The following UTRN variants were observed in gnomAD, a reference collection of about 807,000 sequenced individuals.
UTRN encodes dystrophin-related protein 1.
In UTRN, 283 loss-of-function variants were observed where a neutral mutation model predicts 463.9. The observed-to-expected ratio is 0.61, with a 90% CI of 0.55 to 0.67. The LOEUF (loss-of-function observed/expected upper bound fraction) is 0.67, where lower values mean the gene tolerates loss of function less well. Among genes scored for constraint, UTRN ranks in the 30% least tolerant of loss-of-function variants. UTRN has a pLI of 0.00. For synonymous variants in UTRN, 1,442 were observed against 1,431.5 expected (o/e 1.01, Z -0.17); for missense variants, 3,922 against 4,084.3 (o/e 0.96, Z 1.08).
At chr6:144,435,386 A>G (rs1226558989) in intron 9 of UTRN, among the ~76,000 whole-genome samples, 1 of 152,230 alleles carries the variant, frequency 6.6e-6, no homozygotes, top group Non-Finnish European at 1.5e-5. Context: ...CCAGAGGGCA[A>G]CTGCCTAAGA....
At chr6:144,413,845 C>G (rs1440554151) in intron 3 of UTRN, among the ~76,000 whole-genome samples, 1 of 151,654 alleles carries the variant, frequency 6.6e-6, no homozygotes, top group Non-Finnish European at 1.5e-5. Flanking sequence ...GCTCTGTTGC[C>G]CAGGCTGAAG....
intron 12 of UTRN, among the ~76,000 whole-genome samples, chr6:144,439,191 T>A (rs1786883762): frequency 6.6e-6 from 1 of 152,216 alleles, no homozygotes; most frequent in Non-Finnish European, 1.5e-5. Flanking sequence ...CCCAAGCATG[T>A]TGGCGTTCAC....
intron 60 of UTRN, among the ~76,000 whole-genome samples, chr6:144,775,489 C>T (rs114493067): frequency 0.022 from 3,414 of 152,230 alleles, 129 homozygotes; most frequent in African/African-American, 0.078. Flanking sequence ...GCAAGTGTTG[C>T]AGAATTACCC....
chr6:144,352,009 T>C (rs992311396), intron 2 of UTRN, among the ~76,000 whole-genome samples: 2 of 152,236 alleles, frequency 1.3e-5, no homozygotes, highest in Admixed American at 1.3e-4. Context: ...GCTTCTGCCC[T>C]GGCCTATTTT....
At chr6:144,327,655 G>C (rs1776055472) in intron 2 of UTRN, among the ~76,000 whole-genome samples, 1 of 152,062 alleles carries the variant, frequency 6.6e-6, no homozygotes, top group Non-Finnish European at 1.5e-5. Context: ...CAGAAGTAAG[G>C]GGACTGGGCT....
At chr6:144,468,870 A>T (rs1043913453) in intron 23 of UTRN, among the ~76,000 whole-genome samples, 27 of 152,198 alleles carry the variant, frequency 1.8e-4, no homozygotes, top group African/African-American at 6.5e-4. Context: ...TATTTTGCTC[A>T]GGGAAAGGGG....
intron 2 of UTRN, among the ~76,000 whole-genome samples, chr6:144,323,419 A>G (rs1202057252): frequency 6.6e-6 from 1 of 152,160 alleles, no homozygotes; most frequent in East Asian, 1.9e-4. Context: ...CCTCCCTCCA[A>G]TTAATGATGG....
At chr6:144,769,056 C>T (rs1226001857) in intron 58 of UTRN, among the ~76,000 whole-genome samples, 1 of 149,466 alleles carries the variant, frequency 6.7e-6, no homozygotes, top group Non-Finnish European at 1.5e-5. Context: ...TATTTTAGAG[C>T]TTATCAAGCT....
intron 25 of UTRN, among the ~76,000 whole-genome samples, chr6:144,478,086 A>G (rs938457434): frequency 2.6e-5 from 4 of 152,242 alleles, no homozygotes; most frequent in Non-Finnish European, 5.9e-5. Context: ...ACAAATGTTG[A>G]AGTAGTTTTG....
chr6:144,743,954 A>G (rs1464030926), intron 54 of UTRN, among the ~76,000 whole-genome samples: 2 of 150,552 alleles, frequency 1.3e-5, no homozygotes, highest in Non-Finnish European at 3.0e-5. Flanking sequence ...AATATTCATA[A>G]TACATGATAC....
chr6:144,419,880 G>C (rs1784677635), intron 3 of UTRN, among the ~76,000 whole-genome samples: 1 of 151,936 alleles, frequency 6.6e-6, no homozygotes, highest in South Asian at 2.1e-4. Context: ...CCACTGAATG[G>C]TAAGCTGTTG....
chr6:144,554,103 C>A (rs1353650439), intron 48 of UTRN, among the ~76,000 whole-genome samples: 1 of 152,100 alleles, frequency 6.6e-6, no homozygotes, highest in South Asian at 2.1e-4. Flanking sequence ...TGATGAAGAG[C>A]TGCTGGGTGC....
At chr6:144,345,088 G>T (rs78074210) in intron 2 of UTRN, among the ~76,000 whole-genome samples, 9,921 of 152,218 alleles carry the variant, frequency 0.065, 1,086 homozygotes, top group African/African-American at 0.22. Flanking sequence ...TTTGAGACTG[G>T]TTGGTTTTCT....
chr6:144,459,349 A>G lies in UTRN; in HGVS notation c.2702A>G (p.Glu901Gly). Reference protein sequence around the residue: ...EAVEDRQQHLENELKGQPGHA... With the variant: ...EAVEDRQQHLGNELKGQPGHA... ...GTAGAGGATCGTCAACAACATCTAG[A>G]GAATGGTAAACCCAACAATTTTAAA... is the stretch of plus-strand genomic sequence containing the variant. Residue 901 changes from glutamate to glycine, a missense_variant, in exon 21 of 75, where the codon GAG (glutamate) becomes GGG (glycine). Coordinates refer to ENST00000367545, the MANE Select transcript of UTRN (RefSeq NM_007124.3). 6.3e-7 allele frequency: 1 copy of G among 1,590,814 alleles called. No individual in the cohort carries two copies. The highest frequency in any genetic ancestry group is 1.1e-5 in the South Asian group (1 of 87,844).
At chr6:144,428,729 T>C in intron 7 of UTRN, 49 bp from the exon 8 acceptor site, 1 of 1,066,896 alleles carries the variant, frequency 9.4e-7, no homozygotes, top group Non-Finnish European at 1.4e-6. Flanking sequence ...ATGCCTACTT[T>C]GTTTCCACAT....
At chr6:144,666,602 G>A (rs1032214196) in intron 51 of UTRN, among the ~76,000 whole-genome samples, 1 of 152,190 alleles carries the variant, frequency 6.6e-6, no homozygotes, top group Non-Finnish European at 1.5e-5. Context: ...GGCACTCTGG[G>A]TATATTTGGC....
chr6:144,376,222 C>T (rs981643373), intron 2 of UTRN, among the ~76,000 whole-genome samples: 7 of 151,970 alleles, frequency 4.6e-5, no homozygotes, highest in African/African-American at 1.2e-4. Flanking sequence ...TTTGGGAGGC[C>T]GAGGTGGGTA....
At chr6:144,582,888 G>T (rs138765810) in intron 51 of UTRN, among the ~76,000 whole-genome samples, 1 of 152,058 alleles carries the variant, frequency 6.6e-6, no homozygotes, top group Non-Finnish European at 1.5e-5. Context: ...TAATGTATGG[G>T]CTGTTGTCAT....
In UTRN at chr6:144,400,618, A is replaced by G. The variant is rs564880929; in HGVS notation, c.80-2505A>G. 5.9e-5 allele frequency among the ~76,000 whole-genome samples: 9 copies of G among 152,064 alleles called. No homozygotes were observed. The South Asian group carries it at 1.0e-3, about 18-fold the overall frequency. On this transcript the variant is annotated intron_variant, in intron 2 of 74. Transcript: ENST00000367545. ...GAAAATAAGAAGTATGTGTGTTTGT[A>G]TGTGTGTGTGTGTCTGAAAAAAGGA...
Sources: gnomAD v4.1 joint callset for allele counts (sites outside exome capture counted in the v4.1 genomes callset) on GRCh38, gnomAD v4.1.1 for gene constraint, MANE v1.5 for transcripts, NCBI Gene and HGNC (gene_info 2026-07-23, HGNC 2026-07-21) for gene names.